Variants in GUCY1A2 observed in about 807,000 individuals in gnomAD.
GUCY1A2 encodes guanylate cyclase 1 soluble subunit alpha 2, also known as guanylate cyclase soluble subunit alpha-2.
A neutral mutation model predicts 63.5 loss-of-function variants in GUCY1A2; 27 were observed. That is an observed-to-expected ratio of 0.43 (90% CI 0.31 to 0.59). GUCY1A2 has a LOEUF of 0.59. GUCY1A2 is among the 20% of genes least tolerant of loss of function. The probability of loss-of-function intolerance (pLI) is 0.11; values close to 1 mark genes in which losing one functional copy is unlikely to be tolerated. For missense variants in GUCY1A2, 768 were observed against 913.3 expected (o/e 0.84, Z 2.05); for synonymous variants, 364 against 343.5 (o/e 1.06, Z -0.66).
chr11:106,843,066 T>G (rs1404083680), intron 4 of GUCY1A2, among the ~76,000 whole-genome samples: 1 of 151,852 alleles, frequency 6.6e-6, no homozygotes, highest in Non-Finnish European at 1.5e-5. Context: ...AAAAGTGAAA[T>G]CATCAGCAAA....
At chr11:106,970,355 T>A (rs1455600) in intron 3 of GUCY1A2, among the ~76,000 whole-genome samples, 28,438 of 152,156 alleles carry the variant, frequency 0.19, 2,733 homozygotes, top group South Asian at 0.26. Context: ...ATTACAGTAG[T>A]ATCATGGGCA....
Position 106,678,464 on chromosome 11 carries a change from A to C in GUCY1A2, c.*9085T>G. 1 of 213,424 alleles carries C rather than the reference A, an allele frequency of 4.7e-6. No individual in the cohort carries two copies. The highest frequency in any genetic ancestry group is 9.5e-6 in the Non-Finnish European group (1 of 105,390). The allele number at this position is 213,424 out of a possible 1,614,324, so 13.2% of individuals were successfully genotyped here. A position where few individuals can be genotyped will look rare whatever the true frequency, so the allele number is the denominator to read the frequency against. On this transcript the variant is annotated 3_prime_UTR_variant, in exon 8 of 8. Transcript: ENST00000526355. Reference sequence around the variant, plus strand: ...TGGTTAGATACATAAATATTGATCCAGATTGCCCAAACCTCAGAAGAAAGT... The same window carrying C: ...TGGTTAGATACATAAATATTGATCCCGATTGCCCAAACCTCAGAAGAAAGT...
Position 107,018,105 on chromosome 11 carries a change from C to CGGCGGCGGA in GUCY1A2, c.-59_-51dup. On this transcript the variant is annotated 5_prime_UTR_variant, in exon 1 of 8. Transcript: ENST00000526355. ...GAGGCGGTGGCGGCGAGGACGCGAG[C>CGGCGGCGGA]GGCGGCGGAGGCGGCGGTGGCGGGA... is the stretch of plus-strand genomic sequence containing the variant. 4 of 1,281,068 alleles carry CGGCGGCGGA rather than the reference C, an allele frequency of 3.1e-6. No individual in the cohort carries two copies. The highest frequency in any genetic ancestry group is 4.1e-6 in the Non-Finnish European group (4 of 975,940). 79.4% of individuals were successfully genotyped at this position (1,281,068 alleles called of 1,614,324 possible).
intron 6 of GUCY1A2, among the ~76,000 whole-genome samples, chr11:106,735,538 C>A (rs1382408293): frequency 6.6e-6 from 1 of 152,056 alleles, no homozygotes; most frequent in Non-Finnish European, 1.5e-5. Context: ...ATTAATTTGT[C>A]TGTGGACAGG....
At chr11:106,983,845 G>T (rs1237257137) in intron 2 of GUCY1A2, among the ~76,000 whole-genome samples, 2 of 152,094 alleles carry the variant, frequency 1.3e-5, no homozygotes, top group African/African-American at 2.4e-5. Context: ...TCAATACAGG[G>T]ATTTCAAAAT....
chr11:106,807,997 C>T (rs900517216), intron 5 of GUCY1A2, among the ~76,000 whole-genome samples: 31 of 152,126 alleles, frequency 2.0e-4, no homozygotes, highest in Non-Finnish European at 4.0e-4. Flanking sequence ...TTTTGGAACT[C>T]GGACTGGCTT....
intron 4 of GUCY1A2, among the ~76,000 whole-genome samples, chr11:106,932,474 T>C (rs1860616422): frequency 6.6e-6 from 1 of 152,102 alleles, no homozygotes; most frequent in Non-Finnish European, 1.5e-5. Flanking sequence ...AATATCTGCA[T>C]CAAAATATCA....
At chr11:106,855,828 T>G (rs1859422006) in intron 4 of GUCY1A2, among the ~76,000 whole-genome samples, 1 of 152,102 alleles carries the variant, frequency 6.6e-6, no homozygotes, top group African/African-American at 2.4e-5. Flanking sequence ...TAAAATAAAT[T>G]TTGAAATCAG....
intron 4 of GUCY1A2, among the ~76,000 whole-genome samples, chr11:106,834,090 T>A (rs1859086704): frequency 6.6e-6 from 1 of 152,022 alleles, no homozygotes; most frequent in African/African-American, 2.4e-5. Context: ...TAAGATCTAC[T>A]TTCTTAGCCT....
intron 7 of GUCY1A2, among the ~76,000 whole-genome samples, chr11:106,688,052 A>T (rs978124111): frequency 1.3e-5 from 2 of 152,188 alleles, no homozygotes; most frequent in Admixed American, 1.3e-4. Flanking sequence ...ATTTGTTCAA[A>T]TGTTATTGTT....
At chr11:106,889,081 T>C (rs1349318010) in intron 4 of GUCY1A2, among the ~76,000 whole-genome samples, 2 of 152,174 alleles carry the variant, frequency 1.3e-5, no homozygotes, top group South Asian at 2.1e-4. Context: ...AAGCATTTCA[T>C]AAATAAAAAC....
At chr11:106,807,439 T>C (rs562940554) in intron 5 of GUCY1A2, among the ~76,000 whole-genome samples, 4 of 152,292 alleles carry the variant, frequency 2.6e-5, no homozygotes, top group Non-Finnish European at 4.4e-5. Context: ...AGGACTAATA[T>C]CATTTTGTCT....
intron 6 of GUCY1A2, among the ~76,000 whole-genome samples, chr11:106,722,852 G>A (rs900743860): frequency 2.0e-5 from 3 of 151,702 alleles, no homozygotes; most frequent in Middle Eastern, 3.2e-3. Context: ...GAATCCCTTT[G>A]CATATAGAAC....
chr11:106,988,563 G>A (rs1200362300), intron 1 of GUCY1A2, among the ~76,000 whole-genome samples: 2 of 152,090 alleles, frequency 1.3e-5, no homozygotes, highest in Admixed American at 1.3e-4. Flanking sequence ...TTTTTCTTGT[G>A]TGAAGCAATT....
chr11:106,887,776 C>T (rs1262913501), intron 4 of GUCY1A2, among the ~76,000 whole-genome samples: 1 of 152,144 alleles, frequency 6.6e-6, no homozygotes, highest in Non-Finnish European at 1.5e-5. Context: ...GATGAAGATG[C>T]TTAGGTTAAA....
chr11:106,876,460 T>A (rs552246478), intron 4 of GUCY1A2, among the ~76,000 whole-genome samples: 5 of 152,064 alleles, frequency 3.3e-5, no homozygotes, highest in Non-Finnish European at 5.9e-5. Flanking sequence ...ATGCATTGTA[T>A]CCAACATACG....
chr11:106,951,371 A>C (rs2120025339), intron 3 of GUCY1A2, among the ~76,000 whole-genome samples: 1 of 152,314 alleles, frequency 6.6e-6, no homozygotes, highest in East Asian at 1.9e-4. Context: ...GTACAAAAGC[A>C]TTCCTACTTC....
At chr11:106,687,960 A>G (rs1034082471) in intron 7 of GUCY1A2, among the ~76,000 whole-genome samples, 7 of 152,292 alleles carry the variant, frequency 4.6e-5, no homozygotes, top group Admixed American at 4.6e-4. Context: ...ATAATAATAA[A>G]AAAACCCCAA....
chr11:106,740,157 TC>T (rs765528678), intron 6 of GUCY1A2, among the ~76,000 whole-genome samples: 1 of 151,718 alleles, frequency 6.6e-6, no homozygotes, highest in Non-Finnish European at 1.5e-5. Flanking sequence ...CACCACCATG[TC>T]CGGCTAATTT....
Sources: allele counts gnomAD v4.1 joint callset (sites outside exome capture counted in the v4.1 genomes callset), GRCh38; gene constraint gnomAD v4.1.1; transcripts MANE v1.5; gene names NCBI Gene and HGNC (gene_info 2026-07-23, HGNC 2026-07-21).